Variants in PTPRN2 observed in about 807,000 individuals in gnomAD.
PTPRN2 encodes receptor-type tyrosine-protein phosphatase N2.
PTPRN2 carries 74 observed loss-of-function variants against 118.8 expected under a neutral mutation model. The observed-to-expected ratio is 0.62, with a 90% CI of 0.52 to 0.76. PTPRN2 has a LOEUF of 0.76. Among genes scored for constraint, PTPRN2 ranks in the 30% least tolerant of loss-of-function variants. PTPRN2 has a pLI of 0.00. For missense variants in PTPRN2, 1,481 were observed against 1,394.4 expected (o/e 1.06, Z -0.99); for synonymous variants, 641 against 608.0 (o/e 1.05, Z -0.80).
Position 157,560,071 on chromosome 7 carries a change from G to A in PTPRN2, c.2902+8831C>T, listed in dbSNP as rs572970789. Among the ~76,000 whole-genome samples, 4 of 152,320 alleles carry A rather than the reference G, an allele frequency of 2.6e-5. No individual in the cohort carries two copies. The highest frequency in any genetic ancestry group is 9.6e-5 in the African/African-American group (4 of 41,572). The stretch of plus-strand genomic sequence containing the variant: ...GCCCTCGGCCAGGTGGGACCTGAAC[G>A]ACATTTTGCGGCATCCAATGGGCCT... On this transcript the variant is annotated intron_variant, in intron 21 of 22. Coordinates refer to ENST00000389418, the MANE Select transcript of PTPRN2 (RefSeq NM_002847.5). This position sits in a 1 kb window ranked among gnomAD's most constrained non-coding sequence, Gnocchi z 6.7.
chr7:157,667,865 A>G (rs940677904), intron 13 of PTPRN2, among the ~76,000 whole-genome samples: 2 of 152,200 alleles, frequency 1.3e-5, no homozygotes, highest in Non-Finnish European at 2.9e-5. Flanking sequence ...GCTGCCTCCA[A>G]CACATCCAGA....
At chr7:157,760,228 CA>C (rs1160615674) in intron 12 of PTPRN2, among the ~76,000 whole-genome samples, 1 of 152,128 alleles carries the variant, frequency 6.6e-6, no homozygotes, top group Non-Finnish European at 1.5e-5. Flanking sequence ...CGCCCTGCCC[CA>C]AATCTTACAG....
intron 11 of PTPRN2, among the ~76,000 whole-genome samples, chr7:158,071,760 C>CCCA (rs1811835478): frequency 8.1e-6 from 1 of 122,862 alleles, no homozygotes; most frequent in Non-Finnish European, 1.6e-5. Context: ...GGTGGAGGTG[C>CCCA]TCGTGGTGAT....
chr7:158,200,669 C>T (rs1036933105), intron 4 of PTPRN2, among the ~76,000 whole-genome samples: 1 of 152,112 alleles, frequency 6.6e-6, no homozygotes, highest in Non-Finnish European at 1.5e-5. Flanking sequence ...CAAAGAAAAC[C>T]TCAAAATTAC....
intron 10 of PTPRN2, among the ~76,000 whole-genome samples, chr7:158,090,087 G>A (rs12698136): frequency 0.55 from 5,572 of 10,136 alleles, 2,471 homozygotes; most frequent in Middle Eastern, 1. Flanking sequence ...TGAAAGAGGG[G>A]GTCTTCACAC....
intron 12 of PTPRN2, among the ~76,000 whole-genome samples, chr7:157,747,549 G>A (rs1269919683): frequency 5.3e-5 from 6 of 113,360 alleles, no homozygotes; most frequent in South Asian, 3.8e-4. Context: ...CCTGAGCTGT[G>A]GGCTGTTGAG....
At chr7:158,262,647 G>A (rs1208152057) in intron 3 of PTPRN2, among the ~76,000 whole-genome samples, 3 of 132,106 alleles carry the variant, frequency 2.3e-5, no homozygotes, top group East Asian at 4.7e-4. Context: ...AACATTCACT[G>A]CACACACTGA....
At chr7:158,333,666 G>C (rs1031480950) in intron 2 of PTPRN2, among the ~76,000 whole-genome samples, 1 of 151,444 alleles carries the variant, frequency 6.6e-6, no homozygotes, top group Admixed American at 6.6e-5. Context: ...CATAAGAGCT[G>C]ACACCCACAG....
intron 2 of PTPRN2, among the ~76,000 whole-genome samples, chr7:158,351,935 C>G (rs1488821816): frequency 1.3e-4 from 15 of 112,024 alleles, no homozygotes; most frequent in African/African-American, 4.5e-4. Context: ...CTGTCCGCTC[C>G]CCTCCTGACC....
chr7:158,272,467 G>T (rs1798577891), intron 3 of PTPRN2, among the ~76,000 whole-genome samples: 1 of 152,118 alleles, frequency 6.6e-6, no homozygotes, highest in South Asian at 2.1e-4. Context: ...TGAATTTTAG[G>T]CATTACTTAC....
At chr7:158,448,189 C>T (rs1817859369) in intron 2 of PTPRN2, among the ~76,000 whole-genome samples, 1 of 152,242 alleles carries the variant, frequency 6.6e-6, no homozygotes. Flanking sequence ...CAGAGTGGCC[C>T]AGACACAGGA....
chr7:157,555,850 T>G (rs1798849563), intron 21 of PTPRN2, among the ~76,000 whole-genome samples: 1 of 152,212 alleles, frequency 6.6e-6, no homozygotes, highest in South Asian at 2.1e-4. Context: ...ATGGTGATTA[T>G]TAAGAATCCA....
At chr7:157,616,394 C>G (rs531191164) in intron 15 of PTPRN2, 22 of 152,334 alleles carry the variant, frequency 1.4e-4, no homozygotes, top group African/African-American at 4.8e-4. Context: ...GACAATCTTT[C>G]CCTTCGAGAA....
intron 2 of PTPRN2, among the ~76,000 whole-genome samples, chr7:158,479,656 G>A (rs963271288): frequency 6.6e-6 from 1 of 152,238 alleles, no homozygotes; most frequent in African/African-American, 2.4e-5. Flanking sequence ...TAGCAACTGA[G>A]AGATCTACGC....
At chr7:158,262,597 C>A (rs1797526351) in intron 3 of PTPRN2, among the ~76,000 whole-genome samples, 1 of 149,904 alleles carries the variant, frequency 6.7e-6, no homozygotes, top group Non-Finnish European at 1.5e-5. Context: ...CATTCACACA[C>A]ATTCACACAC....
At chr7:158,077,393 C>T (rs145578358) in intron 11 of PTPRN2, among the ~76,000 whole-genome samples, 19 of 152,302 alleles carry the variant, frequency 1.2e-4, no homozygotes, top group East Asian at 9.7e-4. Context: ...TGAAATGACA[C>T]GGGGCGCCTC....
rs1223287155 is a variant in PTPRN2, at chr7:157,763,596, G to A, written c.1789-80659C>T. Among the ~76,000 whole-genome samples, 1 of 152,094 alleles carries A rather than the reference G, an allele frequency of 6.6e-6. No homozygotes were observed. Among genetic ancestry groups the A allele is most frequent in the African/African-American group, 2.4e-5 (1 of 41,430 alleles). ...AGCTGCCCCCCTGGCCATGGGGGAA[G>A]GCCACGCCCCTAACCTGACTGCAGA... is the stretch of plus-strand genomic sequence containing the variant. On this transcript the variant is annotated intron_variant, in intron 12 of 22. Transcript: ENST00000389418. The surrounding 1 kb of genome is among the most constrained non-coding windows in gnomAD (Gnocchi z 4.9).
chr7:158,433,261 G>A (rs1323336131), intron 2 of PTPRN2, among the ~76,000 whole-genome samples: 2 of 152,130 alleles, frequency 1.3e-5, no homozygotes, highest in Non-Finnish European at 2.9e-5. Flanking sequence ...AACATTCTTA[G>A]GCCTTTTTGT....
At position 157,766,184 on chromosome 7, in the gene PTPRN2, A is replaced by AATCCATCCATCC. The variant is rs775536701; in HGVS notation, c.1789-83259_1789-83248dup. On this transcript the variant is annotated intron_variant, in intron 12 of 22. Transcript: ENST00000389418. ...ATCCACCATCCCCCATCTGTCCACC[A>AATCCATCCATCC]ATCCATCCATCCATCCATCCATCCA... Among the ~76,000 whole-genome samples, 245 of 116,240 alleles carry AATCCATCCATCC rather than the reference A, an allele frequency of 2.1e-3. 1 individual carries two copies. The highest frequency in any genetic ancestry group is 6.2e-3 in the African/African-American group (186 of 29,762). 76.3% of individuals were successfully genotyped at this position (116,240 alleles called of 152,430 possible).
Sources: allele counts gnomAD v4.1 joint callset (sites outside exome capture counted in the v4.1 genomes callset), GRCh38; gene constraint gnomAD v4.1.1; non-coding constraint Gnocchi (gnomAD v3.1); transcripts MANE v1.5; gene names NCBI Gene and HGNC (gene_info 2026-07-23, HGNC 2026-07-21).